The following DNAH8 variants were observed in gnomAD, a reference collection of about 807,000 sequenced individuals.
The protein encoded by DNAH8 is axonemal beta dynein heavy chain 8.
In DNAH8, 382 loss-of-function variants were observed where a neutral mutation model predicts 562.1. The ratio of observed to expected loss-of-function variants is 0.68; its 90% confidence interval spans 0.63 to 0.74. The LOEUF (loss-of-function observed/expected upper bound fraction) is 0.74. DNAH8 is among the 30% of genes least tolerant of loss of function. The pLI is 0.00. For synonymous variants in DNAH8, 1,881 were observed against 1,919.4 expected, an observed-to-expected ratio of 0.98 and a Z score of 0.52; for missense variants, 5,203 against 5,620.4, an observed-to-expected ratio of 0.93 and a Z score of 2.37.
intron 53 of DNAH8, 83 bp downstream of exon 53, chr6:38,875,911 G>T: frequency 1.2e-6 from 1 of 835,192 alleles, no homozygotes. Flanking sequence ...TTCTATGAGA[G>T]AATATTAAAA....
intron 65 of DNAH8, among the ~76,000 whole-genome samples, 162 bp from the exon 66 acceptor site, chr6:38,911,306 T>A (rs1780876441): frequency 6.6e-6 from 1 of 152,122 alleles, no homozygotes; most frequent in South Asian, 2.1e-4. Flanking sequence ...TCAGACAGAT[T>A]TAGTCCTTTT....
At chr6:38,786,061 G>A (rs548208567) in intron 17 of DNAH8, among the ~76,000 whole-genome samples, 95 of 152,268 alleles carry the variant, frequency 6.2e-4, no homozygotes, top group African/African-American at 2.2e-3. Context: ...TCTATAATAA[G>A]TGTTTTATTA....
intron 85 of DNAH8, among the ~76,000 whole-genome samples, chr6:38,974,895 T>A (rs1351693257): frequency 6.6e-6 from 1 of 152,218 alleles, no homozygotes; most frequent in African/African-American, 2.4e-5. Flanking sequence ...GTGCCTGTGC[T>A]GGCCAAGAAT....
rs190656332 is a variant in DNAH8, at chr6:39,002,763, G to T, written c.13215-6051G>T. ...AGGTTTTACTTCATTGATCCTTACT[G>T]GGAAAGTCATGTATTTAAAGGTAAT... On this transcript the variant is annotated intron_variant, in intron 88 of 92. Transcript: ENST00000327475. Among the ~76,000 whole-genome samples, 742 of 152,222 alleles carry T rather than the reference G, an allele frequency of 4.9e-3. 3 individuals carry two copies. The highest frequency in any genetic ancestry group is 7.9e-3 in the Non-Finnish European group (536 of 68,008).
rs898004855 is a variant in DNAH8 at position 38,898,204 on chromosome 6, T to G, written c.8941-54T>G. On this transcript the variant is annotated intron_variant, in intron 60 of 92. Transcript: ENST00000327475. ...TTGAGTGTCTTTACAATTGCTACTT[T>G]AATACATACTTGGATCTTAAATATT... The G allele has an allele frequency of 3.2e-5, 47 of 1,478,590 alleles. 2 individuals are homozygous for G. The South Asian group carries it at 4.0e-4, about 12-fold the overall frequency. 91.6% of individuals were successfully genotyped at this position (1,478,590 alleles called of 1,614,324 possible).
intron 52 of DNAH8, among the ~76,000 whole-genome samples, chr6:38,874,079 T>TCTTTCTTA: frequency 1.5e-5 from 1 of 64,642 alleles, no homozygotes; most frequent in African/African-American, 4.7e-5. Flanking sequence ...TTTCTTTCTT[T>TCTTTCTTA]CTTTCTTTCT....
intron 75 of DNAH8, among the ~76,000 whole-genome samples, chr6:38,930,012 T>A (rs1267273959): frequency 6.6e-6 from 1 of 152,190 alleles, no homozygotes; most frequent in Admixed American, 6.5e-5. Context: ...AGTATATATA[T>A]GTTTAAGCAA....
Position 38,973,672 on chromosome 6 carries a change from A to G in DNAH8, c.12537A>G (p.Val4179=). The G allele has an allele frequency of 6.3e-7, 1 of 1,599,954 alleles. No individual in the cohort carries two copies. The highest frequency in any genetic ancestry group is 1.8e-5 in the Admixed American group (1 of 56,670). The part of the protein sequence containing the change: ...IQMSMQQGGW[V]LLQNCHLGLE... ...ATTTTTGGATACAGGGTGGTTGGGT[A>G]TTACTACAAAATTGCCACCTTGGCC... Residue 4179 remains valine, a synonymous_variant, in exon 84 of 93, where the codon GTA becomes GTG. Coordinates refer to ENST00000327475, the MANE Select transcript of DNAH8 (RefSeq NM_001206927.2).
intron 89 of DNAH8, among the ~76,000 whole-genome samples, chr6:39,010,821 G>A (rs7771337): frequency 8.2e-4 from 18 of 21,954 alleles, no homozygotes; most frequent in African/African-American, 1.7e-3. Context: ...ACACACACAC[G>A]TATGTATGTA....
intron 75 of DNAH8, 25 bp downstream of exon 75, chr6:38,929,691 A>AAG: frequency 6.9e-7 from 1 of 1,445,634 alleles, no homozygotes. Flanking sequence ...AAAAAAAAAA[A>AAG]AGAAAGAAAG....
At chr6:38,895,972 A>G (rs1218461938) in intron 59 of DNAH8, 61 bp from the exon 60 acceptor site, 3 of 1,417,476 alleles carry the variant, frequency 2.1e-6, no homozygotes, top group Admixed American at 1.8e-5. Context: ...GCGAAGGGAC[A>G]TGTTCAGTTA....
Position 38,745,557 on chromosome 6 carries a change from T to C in DNAH8, c.1293+3670T>C, listed in dbSNP as rs938736174. ...TTAACATCTTAAAACTATTGTACAA[T>C]GATCAAAATGAAGGGGTAACATTAG... On this transcript the variant is annotated intron_variant, in intron 8 of 92. Coordinates refer to ENST00000327475, the MANE Select transcript of DNAH8 (RefSeq NM_001206927.2). Among the ~76,000 whole-genome samples the C allele has an allele frequency of 5.9e-5, 9 of 152,314 alleles. 1 individual carries two copies. The South Asian group carries it at 1.2e-3, about 21-fold the overall frequency.
chr6:38,791,559 G>A lies in DNAH8; in HGVS notation c.2786G>A (p.Ser929Asn). The change falls in exon 21 of 93, where the codon AGT becomes AAT. Residue 929 changes from serine (S) to asparagine (N), a missense_variant. By Grantham distance (46) the Ser-to-Asn change is conservative (BLOSUM62 1). Transcript: ENST00000327475. ...DMFNQLLKKISDLCEMHIDTV... is the reference protein window; with the variant it reads ...DMFNQLLKKINDLCEMHIDTV... ...TTACATTTTTCTTCCTTGTAGATCAGTGACTTGTGTGAAATGCATATTGAT... is the reference window on the plus strand; with the variant it reads ...TTACATTTTTCTTCCTTGTAGATCAATGACTTGTGTGAAATGCATATTGAT... The A allele has an allele frequency of 1.2e-6, 2 of 1,608,938 alleles. No homozygotes were observed. The highest frequency in any genetic ancestry group is 1.7e-6 in the Non-Finnish European group (2 of 1,178,790).
intron 52 of DNAH8, among the ~76,000 whole-genome samples, chr6:38,873,752 ACACACACACACACACACC>A (rs144045963): frequency 0.22 from 31,091 of 138,894 alleles, 3,578 homozygotes; most frequent in East Asian, 0.49. Context: ...ACACACACAC[ACACACACACACACACACC>A]CCTGCACTCC....
intron 21 of DNAH8, among the ~76,000 whole-genome samples, chr6:38,792,954 A>AT (rs1160984569): frequency 4.6e-5 from 7 of 151,394 alleles, no homozygotes; most frequent in African/African-American, 1.5e-4. Flanking sequence ...AATTAAAAAC[A>AT]TTTTTTTTGT....
At chr6:38,838,808 A>G (rs528138351) in intron 33 of DNAH8, among the ~76,000 whole-genome samples, 89 of 152,366 alleles carry the variant, frequency 5.8e-4, no homozygotes, top group African/African-American at 1.9e-3. Flanking sequence ...AACCACACAT[A>G]TAAACAAGTG....
At chr6:38,995,040 A>G (rs954422367) in intron 88 of DNAH8, among the ~76,000 whole-genome samples, 4 of 145,058 alleles carry the variant, frequency 2.8e-5, no homozygotes, top group Non-Finnish European at 6.0e-5. Context: ...TCTGATAGTT[A>G]TAGTCTCCCC....
At chr6:38,758,535 G>T (rs998536272) in intron 10 of DNAH8, among the ~76,000 whole-genome samples, 2 of 151,884 alleles carry the variant, frequency 1.3e-5, no homozygotes, top group Non-Finnish European at 2.9e-5. Context: ...TCTCCTGCCC[G>T]ATTGCCCTGG....
intron 49 of DNAH8, among the ~76,000 whole-genome samples, chr6:38,871,048 C>T (rs1777433001): frequency 6.6e-6 from 1 of 152,280 alleles, no homozygotes; most frequent in East Asian, 1.9e-4. Flanking sequence ...ACATTTCATC[C>T]TTGTGACAAC....
Sources: gnomAD v4.1 joint callset for allele counts (sites outside exome capture counted in the v4.1 genomes callset) on GRCh38, gnomAD v4.1.1 for gene constraint, MANE v1.5 for transcripts, NCBI Gene and HGNC (gene_info 2026-07-23, HGNC 2026-07-21) for gene names.